The following CFAP61 variants were observed in gnomAD, a reference collection of about 807,000 sequenced individuals.
CFAP61 encodes the protein cilia and flagella associated protein 61.
In CFAP61, 107 loss-of-function variants were observed where a neutral mutation model predicts 135.6. The observed-to-expected ratio is 0.79, with a 90% CI of 0.67 to 0.93. CFAP61 has a LOEUF of 0.93. Ranked by LOEUF, CFAP61 falls within the 40% of genes least tolerant of loss-of-function variation. The probability of loss-of-function intolerance (pLI) is 0.00; values close to 1 mark genes in which losing one functional copy is unlikely to be tolerated. For missense variants in CFAP61, 1,507 were observed against 1,556.2 expected (o/e 0.97, Z 0.53); for synonymous variants, 575 against 578.5 (o/e 0.99, Z 0.09).
At chr20:20,265,618 C>T in intron 21 of CFAP61, 1 of 693,852 alleles carries the variant, frequency 1.4e-6, no homozygotes. Context: ...TCCTGTCTTA[C>T]ATGTAGGTGA....
intron 17 of CFAP61, among the ~76,000 whole-genome samples, chr20:20,206,755 T>C (rs899388042): frequency 6.6e-6 from 1 of 151,422 alleles, no homozygotes; most frequent in African/African-American, 2.4e-5. Context: ...ATATATACCA[T>C]ATATATATAT....
chr20:20,084,249 T>C (rs550663174), intron 6 of CFAP61, among the ~76,000 whole-genome samples: 5 of 152,342 alleles, frequency 3.3e-5, no homozygotes, highest in Non-Finnish European at 5.9e-5. Context: ...TGAAGAAATA[T>C]ATTTATGGTG....
intron 8 of CFAP61, among the ~76,000 whole-genome samples, chr20:20,105,045 C>G (rs1200730755): frequency 1.3e-5 from 2 of 152,088 alleles, no homozygotes. Flanking sequence ...CACTACAGCC[C>G]AGGAGAGGCT....
At chr20:20,303,898 A>G (rs902792711) in intron 25 of CFAP61, among the ~76,000 whole-genome samples, 3 of 152,050 alleles carry the variant, frequency 2.0e-5, no homozygotes, top group African/African-American at 7.2e-5. Context: ...AATCCTTTGG[A>G]TCCTTCCTCT....
intron 17 of CFAP61, among the ~76,000 whole-genome samples, chr20:20,223,095 A>C (rs534206410): frequency 6.6e-6 from 1 of 152,288 alleles, no homozygotes; most frequent in South Asian, 2.1e-4. Flanking sequence ...AATTGAGCTC[A>C]TTGTTTTGCC....
At chr20:20,102,015 G>T (rs1329067479) in intron 8 of CFAP61, among the ~76,000 whole-genome samples, 4 of 152,090 alleles carry the variant, frequency 2.6e-5, no homozygotes, top group African/African-American at 7.2e-5. Context: ...CTTTTATTTT[G>T]TATGTGTGTG....
At chr20:20,284,022 C>A (rs1320800637) in intron 22 of CFAP61, among the ~76,000 whole-genome samples, 1 of 152,156 alleles carries the variant, frequency 6.6e-6, no homozygotes, top group Non-Finnish European at 1.5e-5. Flanking sequence ...ATCTTGGGAA[C>A]CACCTTAGAC....
chr20:20,307,250 C>T (rs1458687800), intron 25 of CFAP61, among the ~76,000 whole-genome samples: 2 of 152,178 alleles, frequency 1.3e-5, no homozygotes, highest in Non-Finnish European at 2.9e-5. Context: ...GGGTCAAATT[C>T]CTGCGTTCTT....
intron 7 of CFAP61, among the ~76,000 whole-genome samples, chr20:20,096,001 A>G (rs2047540162): frequency 1.3e-5 from 2 of 152,230 alleles, no homozygotes; most frequent in Non-Finnish European, 2.9e-5. Flanking sequence ...AGATATTTAC[A>G]GGACAAGCAA....
chr20:20,276,882 A>G lies in CFAP61; in HGVS notation c.2504-284A>G, dbSNP rs898470506. 2.0e-5 allele frequency among the ~76,000 whole-genome samples: 3 copies of G among 152,226 alleles called. No homozygotes were observed. In the East Asian group the frequency reaches 5.8e-4, roughly 29 times the overall value. ...CAAATTGGGAACAAAAGCAAGATAAAAGGTTTTTTTCTAGACAGTTTCTTT... is the reference window on the plus strand; with the variant it reads ...CAAATTGGGAACAAAAGCAAGATAAGAGGTTTTTTTCTAGACAGTTTCTTT... On this transcript the variant is annotated intron_variant, in intron 21 of 26. Coordinates refer to ENST00000245957, the MANE Select transcript of CFAP61 (RefSeq NM_015585.4).
chr20:20,289,083 A>T, intron 23 of CFAP61, 147 bp downstream of exon 23: 1 of 600,102 alleles, frequency 1.7e-6, no homozygotes, highest in African/African-American at 1.8e-5. Flanking sequence ...GAAAGGGTCT[A>T]TAATTTCTGA....
chr20:20,185,619 G>C (rs1345591490), intron 13 of CFAP61, among the ~76,000 whole-genome samples: 3 of 152,142 alleles, frequency 2.0e-5, no homozygotes, highest in African/African-American at 7.2e-5. Context: ...ACTCTTAGAT[G>C]GCCATGTCTT....
chr20:20,290,197 T>C, intron 23 of CFAP61, 103 bp from the exon 24 acceptor site: 1 of 758,682 alleles, frequency 1.3e-6, no homozygotes, highest in Non-Finnish European at 2.4e-6. Flanking sequence ...TTGAGGAGCA[T>C]ACGCCACTGC....
At position 20,320,356 on chromosome 20, in the gene CFAP61, AATATATGTAATATATATTAT is replaced by A. The variant is rs1227924577; in HGVS notation, c.3423-21457_3423-21438del. ...TATATTATATATATGTAATATATATAATATATGTAATATATATTATATATATGTAATATATATAATATATG... is the reference window on the plus strand; with the variant it reads ...TATATTATATATATGTAATATATATAATATATGTAATATATATAATATATG... On this transcript the variant is annotated intron_variant, in intron 25 of 26. Transcript: ENST00000245957. Among the ~76,000 whole-genome samples, 148 of 19,792 alleles carry A rather than the reference AATATATGTAATATATATTAT, an allele frequency of 7.5e-3. 22 individuals are homozygous for A. Among genetic ancestry groups the A allele is most frequent in the African/African-American group, 0.025 (144 of 5,838 alleles). The allele number at this position is 19,792 out of a possible 152,430, so 13.0% of individuals were successfully genotyped here.
At chr20:20,124,398 A>G (rs113222922) in intron 8 of CFAP61, among the ~76,000 whole-genome samples, 3 of 151,642 alleles carry the variant, frequency 2.0e-5, no homozygotes, top group Admixed American at 2.0e-4. Flanking sequence ...CTTTTATTAC[A>G]TTGAGGTATG....
chr20:20,112,970 T>A (rs1030276555), intron 8 of CFAP61, among the ~76,000 whole-genome samples: 2 of 152,190 alleles, frequency 1.3e-5, no homozygotes, highest in Non-Finnish European at 2.9e-5. Flanking sequence ...GTGATTATTG[T>A]GTGTGCTTGT....
In CFAP61 at chr20:20,166,435, C is replaced by T; in HGVS notation, c.1244C>T (p.Ser415Phe). Residue 415 changes from serine to phenylalanine, a missense_variant and splice_region_variant, in exon 12 of 27, where the codon TCT becomes TTT. By Grantham distance (155) the Ser-to-Phe change is radical. Coordinates refer to ENST00000245957, the MANE Select transcript of CFAP61 (RefSeq NM_015585.4). ...ATGAATTTTGTTTTCAGTCTTTTTT[C>T]TGTAAGTACATGCTGAATTTTGAGA... ...DFMNFVFSLF[S>F]DKNFCVISLP... 6.2e-7 allele frequency: 1 copy of T among 1,612,050 alleles called. No individual in the cohort carries two copies. The highest frequency in any genetic ancestry group is 8.5e-7 in the Non-Finnish European group (1 of 1,178,308).
At chr20:20,301,628 C>G (rs1036960168) in intron 25 of CFAP61, among the ~76,000 whole-genome samples, 1 of 152,112 alleles carries the variant, frequency 6.6e-6, no homozygotes, top group African/African-American at 2.4e-5. Context: ...TTAATGATGC[C>G]TTTTCATTTG....
chr20:20,082,900 A>G (rs1288569331), intron 6 of CFAP61, among the ~76,000 whole-genome samples: 1 of 152,240 alleles, frequency 6.6e-6, no homozygotes, highest in Non-Finnish European at 1.5e-5. Flanking sequence ...GTGGGAATGT[A>G]AACTAGTACA....
Sources: gnomAD v4.1 joint callset for allele counts (sites outside exome capture counted in the v4.1 genomes callset) on GRCh38, gnomAD v4.1.1 for gene constraint, MANE v1.5 for transcripts, NCBI Gene and HGNC (gene_info 2026-07-23, HGNC 2026-07-21) for gene names.